The following PCDHGA1 variants were observed in gnomAD, a reference collection of about 807,000 sequenced individuals.
The protein encoded by PCDHGA1 is protocadherin gamma-A1.
PCDHGA1 carries 32 observed loss-of-function variants against 58.0 expected under a neutral mutation model. The observed-to-expected ratio is 0.55, with a 90% CI of 0.42 to 0.74. PCDHGA1 has a LOEUF of 0.74. PCDHGA1 is among the 30% of genes least tolerant of loss of function. The pLI is 0.00. For synonymous variants in PCDHGA1, 498 were observed against 501.1 expected (o/e 0.99, Z 0.08); for missense variants, 1,205 against 1,182.3 (o/e 1.02, Z -0.28).
intron 1 of PCDHGA1, chr5:141,393,343 A>G (rs751102208): frequency 8.1e-6 from 13 of 1,613,914 alleles, no homozygotes; most frequent in Non-Finnish European, 1.1e-5. Context: ...CCCAATCACC[A>G]CTTCTCCCTG....
chr5:141,370,811 G>A (rs367716692), intron 1 of PCDHGA1: 14 of 1,613,898 alleles, frequency 8.7e-6, no homozygotes, highest in Non-Finnish European at 1.2e-5. Context: ...ATATCACTGA[G>A]CTGGAAATCA....
chr5:141,358,211 G>C (rs1760853496), intron 1 of PCDHGA1, among the ~76,000 whole-genome samples: 1 of 152,100 alleles, frequency 6.6e-6, no homozygotes, highest in South Asian at 2.1e-4. Flanking sequence ...ATAAAATAAA[G>C]TAAAATAAAG....
At chr5:141,362,050 C>G (rs750121912) in intron 1 of PCDHGA1, 8 of 1,611,220 alleles carry the variant, frequency 5.0e-6, no homozygotes, top group Admixed American at 1.7e-5. Flanking sequence ...GGACGCGGCC[C>G]GCCAGCGCCT....
rs554845172 is a variant in PCDHGA1 at position 141,485,584 on chromosome 5, G to A, written c.2422-9223G>A. Reference sequence around the variant, plus strand: ...ACGCCCCCCGTTTTCCGCGGCAGCAGCTGGACTTGGAAATTGGGGAGGCAG... The same window carrying A: ...ACGCCCCCCGTTTTCCGCGGCAGCAACTGGACTTGGAAATTGGGGAGGCAG... On this transcript the variant is annotated intron_variant, in intron 1 of 3. Transcript: ENST00000517417. The surrounding 1 kb of genome is among the most constrained non-coding windows in gnomAD (Gnocchi z 5.7). The A allele has an allele frequency of 2.9e-5, 46 of 1,612,498 alleles. 1 individual carries two copies. The South Asian group carries it at 4.5e-4, about 16-fold the overall frequency.
At chr5:141,420,010 GTC>G in intron 1 of PCDHGA1, 1 of 1,614,088 alleles carries the variant, frequency 6.2e-7, no homozygotes, top group South Asian at 1.1e-5. Context: ...GCCTGCGACA[GTC>G]TTTCAGCCCT....
At chr5:141,405,227 C>A (rs562247940) in intron 1 of PCDHGA1, 1 of 1,614,114 alleles carries the variant, frequency 6.2e-7, no homozygotes. Context: ...GGAGTTCTCC[C>A]TCACCGCTGA....
intron 1 of PCDHGA1, chr5:141,364,409 G>A: frequency 6.2e-7 from 1 of 1,611,256 alleles, no homozygotes; most frequent in Non-Finnish European, 8.5e-7. Flanking sequence ...GTGCGAGCCA[G>A]GATCCGGGCA....
rs528806463 is a variant in PCDHGA1 at position 141,356,170 on chromosome 5, G to A, written c.2421+23065G>A. The A allele has an allele frequency of 6.8e-6, 11 of 1,612,922 alleles. No homozygotes were observed. The highest frequency in any genetic ancestry group is 8.5e-6 in the Non-Finnish European group (10 of 1,179,376). ...TGACATAGATGTAGAAGCCCATGAT[G>A]GGCCTGGTCTCCGAGCTAGAAGCAA... On this transcript the variant is annotated intron_variant, in intron 1 of 3. Transcript: ENST00000517417.
At chr5:141,352,676 T>A (rs1759076682) in intron 1 of PCDHGA1, 2 of 1,573,452 alleles carry the variant, frequency 1.3e-6, no homozygotes, top group Non-Finnish European at 1.7e-6. Flanking sequence ...GCACGTGAGT[T>A]TCTGCAAATC....
intron 1 of PCDHGA1, chr5:141,383,856 T>C (rs1307177086): frequency 6.2e-7 from 1 of 1,613,964 alleles, no homozygotes; most frequent in Admixed American, 1.7e-5. Flanking sequence ...AAATGGAGGT[T>C]CAGGCTCAAG....
chr5:141,344,044 G>A (rs1757353341), intron 1 of PCDHGA1: 1 of 1,556,334 alleles, frequency 6.4e-7, no homozygotes, highest in African/African-American at 1.4e-5. Context: ...ATGACCAATT[G>A]CCTGAGTTTC....
chr5:141,347,309 C>T (rs1240783758), intron 1 of PCDHGA1, among the ~76,000 whole-genome samples: 4 of 151,880 alleles, frequency 2.6e-5, no homozygotes, highest in African/African-American at 9.7e-5. Flanking sequence ...ACGAGCCACC[C>T]TCCCAGCTAA....
intron 1 of PCDHGA1, chr5:141,376,697 T>G (rs1773235579): frequency 1.5e-6 from 1 of 652,042 alleles, no homozygotes; most frequent in Non-Finnish European, 2.4e-6. Flanking sequence ...TTTTTTTTTT[T>G]GAGACGGAGT....
chr5:141,441,725 C>A, intron 1 of PCDHGA1: 1 of 352,450 alleles, frequency 2.8e-6, no homozygotes. Flanking sequence ...AGGCCCGCGA[C>A]CAGGACTAGC....
At chr5:141,422,394 C>T (rs898242724) in intron 1 of PCDHGA1, 1 of 1,595,520 alleles carries the variant, frequency 6.3e-7, no homozygotes, top group Non-Finnish European at 8.5e-7. Context: ...TTATTCCTAA[C>T]CACCTGCCTT....
At position 141,376,251 on chromosome 5, in the gene PCDHGA1, G is replaced by A. The variant is rs748938190; in HGVS notation, c.2421+43146G>A. 11 of 1,614,110 alleles carry A rather than the reference G, an allele frequency of 6.8e-6. No individual in the cohort carries two copies. The East Asian group carries it at 1.8e-4, about 26-fold the overall frequency. On this transcript the variant is annotated intron_variant, in intron 1 of 3. Transcript: ENST00000517417. ...AGACTGCAGCGCTGGCACAAGTCAC[G>A]CCTGCTGCAGGCTTCGGGAGGTGGC...
chr5:141,350,695 C>G (rs570147190), intron 1 of PCDHGA1: 2 of 1,613,816 alleles, frequency 1.2e-6, no homozygotes, highest in African/African-American at 1.3e-5. Flanking sequence ...CAGCCTTACC[C>G]GGGGTAAAAT....
chr5:141,376,025 G>C, intron 1 of PCDHGA1: 1 of 1,613,266 alleles, frequency 6.2e-7, no homozygotes, highest in Non-Finnish European at 8.5e-7. Context: ...GGCCGTCCAG[G>C]ACCACGGCCA....
At position 141,485,133 on chromosome 5, in the gene PCDHGA1, C is replaced by A; in HGVS notation, c.2422-9674C>A. On this transcript the variant is annotated intron_variant, in intron 1 of 3. Transcript: ENST00000517417. The surrounding 1 kb of genome is among the most constrained non-coding windows in gnomAD (Gnocchi z 5.7). Reference sequence around the variant, plus strand: ...GCTGTTTGGGGCGGGTCGGCTTCATCCGCGTCTCAGGAGCAAGTAGAGAAT... The same window carrying A: ...GCTGTTTGGGGCGGGTCGGCTTCATACGCGTCTCAGGAGCAAGTAGAGAAT... The A allele has an allele frequency of 2.7e-6, 4 of 1,492,492 alleles. No homozygotes were observed. The highest frequency in any genetic ancestry group is 1.7e-5 in the Admixed American group (1 of 58,334). The allele number at this position is 1,492,492 out of a possible 1,614,324, so 92.5% of individuals were successfully genotyped here.
Sources: allele counts gnomAD v4.1 joint callset (sites outside exome capture counted in the v4.1 genomes callset), GRCh38; gene constraint gnomAD v4.1.1; non-coding constraint Gnocchi (gnomAD v3.1); transcripts MANE v1.5; gene names NCBI Gene and HGNC (gene_info 2026-07-23, HGNC 2026-07-21).